Variants in PAK3 observed in about 807,000 individuals in gnomAD.
PAK3 encodes the protein p21 (RAC1) activated kinase 3.
Under a neutral mutation model 41.0 loss-of-function variants are expected in PAK3, and 4 were observed. The ratio of observed to expected loss-of-function variants is 0.10; its 90% CI spans 0.05 to 0.22. The LOEUF (loss-of-function observed/expected upper bound fraction) is 0.22. Ranked by LOEUF, PAK3 falls within the 10% of genes least tolerant of loss-of-function variation. PAK3 has a pLI of 1.00. For missense variants in PAK3, 205 were observed against 409.9 expected (o/e 0.50, Z 4.32); for synonymous variants, 146 against 139.6 (o/e 1.05, Z -0.32).
intron 10 of PAK3, among the ~76,000 whole-genome samples, chrX:111,167,988 C>T (rs1417925953): frequency 3.6e-5 from 4 of 111,370 alleles, no homozygotes; most frequent in South Asian, 3.8e-4. Context: ...CCACTATCAC[C>T]TACTCCTTGC....
At chrX:111,058,592 G>A (rs1212046690) in intron 1 of PAK3, among the ~76,000 whole-genome samples, 1 of 111,166 alleles carries the variant, frequency 9.0e-6, no homozygotes, top group Non-Finnish European at 1.9e-5. Context: ...GGAGATTTAC[G>A]ATTTACAAAT....
chrX:110,976,616 C>A (rs1381264786), intron 1 of PAK3, among the ~76,000 whole-genome samples: 1 of 111,684 alleles, frequency 9.0e-6, no homozygotes, highest in Non-Finnish European at 1.9e-5. Flanking sequence ...TGGGTATATA[C>A]CCAAAGGACT....
chrX:111,077,569 T>G (rs2092796868), intron 1 of PAK3, among the ~76,000 whole-genome samples: 1 of 111,816 alleles, frequency 8.9e-6, no homozygotes, highest in Non-Finnish European at 1.9e-5. Context: ...AAGAACAGTC[T>G]CCTTAATAAA....
intron 11 of PAK3, among the ~76,000 whole-genome samples, chrX:111,190,326 G>A (rs2094549731): frequency 9.0e-6 from 1 of 111,615 alleles, no homozygotes; most frequent in Non-Finnish European, 1.9e-5. Context: ...GTTGTTAACT[G>A]TGTAACCTTG....
rs202080809 is a variant in PAK3, at chrX:111,208,934, CGT to C, written c.1408-7464_1408-7463del. On this transcript the variant is annotated intron_variant, in intron 16 of 17. Transcript: ENST00000372007. ...ATCCCCCATAGATACCGAGGAATGA[CGT>C]GTGTGTGTGTGTGTGTGTGTGTACT... Among the ~76,000 whole-genome samples, 399 of 103,686 alleles carry C rather than the reference CGT, an allele frequency of 3.8e-3. 2 individuals are homozygous for C. Among genetic ancestry groups the C allele is most frequent in the African/African-American group, 0.011 (320 of 28,004 alleles). The allele number at this position is 103,686 out of a possible 115,157, so 90.0% of individuals were successfully genotyped here.
chrX:111,194,540 T>A (rs965062577), intron 14 of PAK3, 122 bp downstream of exon 14: 1 of 557,703 alleles, frequency 1.8e-6, no homozygotes. Context: ...CTGAAAACAA[T>A]TGGAGAGGCC....
chrX:110,956,543 T>C (rs1034837007), intron 1 of PAK3, among the ~76,000 whole-genome samples: 2 of 111,746 alleles, frequency 1.8e-5, no homozygotes, highest in Non-Finnish European at 3.8e-5. Context: ...GCCCCAAGAC[T>C]GAGGGGACTT....
intron 1 of PAK3, among the ~76,000 whole-genome samples, chrX:111,040,228 C>T (rs1269862672): frequency 2.7e-5 from 3 of 110,419 alleles, no homozygotes; most frequent in Admixed American, 9.7e-5. Context: ...CACCAAGCTT[C>T]GATTTCCCCT....
rs1363493986 is a variant in PAK3 at position 111,126,036 on chromosome X, T to C, written c.175+2758T>C. On this transcript the variant is annotated intron_variant, in intron 5 of 17. Coordinates refer to ENST00000372007, the MANE Select transcript of PAK3 (RefSeq NM_002578.5). The stretch of plus-strand genomic sequence containing the variant: ...AAGCCTCAAGCAAGTTGTTATAACT[T>C]CAGGATTCGACTTCACTGACTCTAA... 2.7e-5 allele frequency among the ~76,000 whole-genome samples: 3 copies of C among 111,504 alleles called. No individual in the cohort carries two copies. In the East Asian group the frequency reaches 8.5e-4, roughly 32 times the overall value.
chrX:111,073,724 C>T (rs768170168), intron 1 of PAK3, among the ~76,000 whole-genome samples: 1 of 111,943 alleles, frequency 8.9e-6, no homozygotes, highest in African/African-American at 3.2e-5. Flanking sequence ...AATAGTCCCA[C>T]ATCAAGGAAA....
chrX:111,140,088 TATA>T (rs1022973130), intron 5 of PAK3, among the ~76,000 whole-genome samples: 17 of 111,609 alleles, frequency 1.5e-4, no homozygotes, highest in Non-Finnish European at 2.8e-4. Context: ...TTTGTAATTT[TATA>T]ATGTCTTTTA....
intron 1 of PAK3, among the ~76,000 whole-genome samples, chrX:111,032,046 G>T (rs1023709521): frequency 1.5e-4 from 17 of 111,321 alleles, no homozygotes; most frequent in African/African-American, 5.6e-4. Context: ...ATCTTTAAAA[G>T]GTATTTCAAT....
chrX:111,142,265 A>G (rs996592190), intron 6 of PAK3, 69 bp downstream of exon 6: 2 of 649,292 alleles, frequency 3.1e-6, no homozygotes, highest in Non-Finnish European at 5.2e-6. Context: ...TTTTCAAGCA[A>G]GAATTGCCAT....
chrX:111,147,910 A>G lies in PAK3; in HGVS notation c.430+20A>G. ...CAGGAGGTAAGAGGAAGTCTGTGGT[A>G]TCAAAGGTGAAAAAGTAATTTCAAT... On this transcript the variant is annotated intron_variant, in intron 7 of 17. Transcript: ENST00000372007. The G allele has an allele frequency of 2.6e-6, 3 of 1,163,284 alleles. No homozygotes were observed. In the South Asian group the frequency reaches 5.4e-5, roughly 21 times the overall value.
At position 111,192,487 on chromosome X, in the gene PAK3, T is replaced by G; in HGVS notation, c.880-19T>G. 2.4e-6 allele frequency: 2 copies of G among 816,972 alleles called. No homozygotes were observed. Among genetic ancestry groups the G allele is most frequent in the Non-Finnish European group, 3.7e-6 (2 of 535,143 alleles). 67.3% of individuals were successfully genotyped at this position (816,972 alleles called of 1,213,427 possible). The stretch of plus-strand genomic sequence containing the variant: ...TTATAATGATTGTAATTCATTCTTG[T>G]ATTTTAATTGCCATTCAGGTGGCCA... On this transcript the variant is annotated intron_variant, in intron 12 of 17. Coordinates refer to ENST00000372007, the MANE Select transcript of PAK3 (RefSeq NM_002578.5).
intron 10 of PAK3, among the ~76,000 whole-genome samples, chrX:111,165,098 A>C (rs759777096): frequency 3.6e-4 from 40 of 111,780 alleles, no homozygotes; most frequent in African/African-American, 1.1e-3. Context: ...GCTGCCCTCC[A>C]TCCACTTTAC....
Position 111,223,010 on chromosome X carries a change from A to G in PAK3, c.*2563A>G, listed in dbSNP as rs1423842787. ...AGCCCCTTCCCTGTATTGGAGAGTT[A>G]TGTATATTTCTAATAAGTATTAGAA... On this transcript the variant is annotated 3_prime_UTR_variant, in exon 18 of 18. Coordinates refer to ENST00000372007, the MANE Select transcript of PAK3 (RefSeq NM_002578.5). 8.9e-6 allele frequency: 1 copy of G among 111,752 alleles called. No individual in the cohort carries two copies. The highest frequency in any genetic ancestry group is 3.3e-5 in the African/African-American group (1 of 30,769). The allele number at this position is 111,752 out of a possible 1,213,427, so 9.2% of individuals were successfully genotyped here.
chrX:111,178,990 G>GAGAGAT (rs1556239371), intron 11 of PAK3, among the ~76,000 whole-genome samples: 3 of 92,828 alleles, frequency 3.2e-5, no homozygotes, highest in African/African-American at 1.2e-4. Context: ...TAGAGAGAGA[G>GAGAGAT]ATATCTGTAT....
chrX:110,993,147 A>G (rs893970695), intron 1 of PAK3, among the ~76,000 whole-genome samples: 5 of 111,736 alleles, frequency 4.5e-5, no homozygotes, highest in Non-Finnish European at 7.5e-5. Flanking sequence ...TGATTATGCA[A>G]TCTAAAATTG....
Sources: allele counts gnomAD v4.1 joint callset (sites outside exome capture counted in the v4.1 genomes callset), GRCh38; gene constraint gnomAD v4.1.1; transcripts MANE v1.5; gene names NCBI Gene and HGNC (gene_info 2026-07-23, HGNC 2026-07-21).